PTPRD: variants seen among roughly 807,000 people sequenced by gnomAD.
PTPRD encodes protein tyrosine phosphatase receptor type D.
A neutral mutation model predicts 214.5 loss-of-function variants in PTPRD; 34 were observed. That is an observed-to-expected ratio of 0.16 (90% CI 0.12 to 0.21). The LOEUF (loss-of-function observed/expected upper bound fraction) is 0.21. Among genes scored for constraint, PTPRD ranks in the 10% least tolerant of loss-of-function variants. The probability of loss-of-function intolerance (pLI) is 1.00; values close to 1 mark genes in which losing one functional copy is unlikely to be tolerated. For missense variants in PTPRD, 2,545 were observed against 2,398.7 expected (o/e 1.06, Z -1.27); for synonymous variants, 1,128 against 845.7 (o/e 1.33, Z -5.79).
intron 3 of PTPRD, among the ~76,000 whole-genome samples, chr9:10,317,670 T>A (rs1444659774): frequency 1.3e-5 from 2 of 152,046 alleles, no homozygotes; most frequent in African/African-American, 4.8e-5. Flanking sequence ...TCTTAATTTT[T>A]AAATGTTGCA....
chr9:9,601,801 T>C (rs1218066410), intron 7 of PTPRD, among the ~76,000 whole-genome samples: 1 of 152,020 alleles, frequency 6.6e-6, no homozygotes, highest in Non-Finnish European at 1.5e-5. Flanking sequence ...AAACACTAAA[T>C]ATAATACAAA....
intron 4 of PTPRD, among the ~76,000 whole-genome samples, chr9:9,952,934 C>G (rs1429043068): frequency 1.3e-5 from 2 of 152,020 alleles, no homozygotes; most frequent in South Asian, 2.1e-4. Context: ...ATATAATTGG[C>G]AAGTAGAAGA....
chr9:8,808,717 T>C (rs2154521814), intron 11 of PTPRD, among the ~76,000 whole-genome samples: 1 of 152,162 alleles, frequency 6.6e-6, no homozygotes, highest in South Asian at 2.1e-4. Flanking sequence ...AATGTATATA[T>C]GTTCTACACC....
At chr9:8,930,199 G>A (rs1441087998) in intron 11 of PTPRD, among the ~76,000 whole-genome samples, 6 of 151,370 alleles carry the variant, frequency 4.0e-5, no homozygotes, top group Admixed American at 4.0e-4. Context: ...CTATGAGTGA[G>A]AACATGTGGT....
At chr9:9,254,579 T>C (rs1220649827) in intron 9 of PTPRD, among the ~76,000 whole-genome samples, 1 of 152,078 alleles carries the variant, frequency 6.6e-6, no homozygotes, top group Non-Finnish European at 1.5e-5. Flanking sequence ...CAGTTAATAA[T>C]ATATCTTTCA....
chr9:8,668,390 C>T (rs1238187625), intron 12 of PTPRD, among the ~76,000 whole-genome samples: 2 of 152,212 alleles, frequency 1.3e-5, no homozygotes, highest in Admixed American at 1.3e-4. Context: ...ATTCTAATTA[C>T]ATGCAGATAG....
intron 2 of PTPRD, among the ~76,000 whole-genome samples, chr9:10,589,563 C>A (rs1039253458): frequency 6.6e-6 from 1 of 152,030 alleles, no homozygotes; most frequent in Non-Finnish European, 1.5e-5. Flanking sequence ...GAGAGACAGA[C>A]AGAGGCATTC....
chr9:9,525,060 T>C (rs1200086709), intron 8 of PTPRD, among the ~76,000 whole-genome samples: 6 of 152,214 alleles, frequency 3.9e-5, no homozygotes, highest in African/African-American at 7.2e-5. Context: ...CGTTTCACCA[T>C]GTTAGCCAGG....
intron 2 of PTPRD, among the ~76,000 whole-genome samples, chr9:10,343,980 T>G (rs982095080): frequency 4.0e-5 from 5 of 123,906 alleles, no homozygotes; most frequent in Non-Finnish European, 6.6e-5. Flanking sequence ...TGATGGTAGT[T>G]TTTTTTTTTT....
chr9:9,843,141 T>C (rs2058727756), intron 5 of PTPRD, among the ~76,000 whole-genome samples: 2 of 152,208 alleles, frequency 1.3e-5, no homozygotes, highest in Middle Eastern at 3.4e-3. Context: ...AGAAACCTTA[T>C]GGCTTCTAGA....
intron 9 of PTPRD, among the ~76,000 whole-genome samples, chr9:9,375,317 G>T (rs2060495533): frequency 6.6e-6 from 1 of 152,110 alleles, no homozygotes; most frequent in Non-Finnish European, 1.5e-5. Flanking sequence ...GAATGAAAAT[G>T]GCTGGGCGCA....
At chr9:8,698,352 TTAGTGA>T (rs1183818239) in intron 12 of PTPRD, among the ~76,000 whole-genome samples, 3 of 152,208 alleles carry the variant, frequency 2.0e-5, no homozygotes, top group Non-Finnish European at 4.4e-5. Context: ...AAGACGACAG[TTAGTGA>T]TAGTGTAAAA....
At chr9:8,463,250 T>G (rs779071512) in intron 32 of PTPRD, among the ~76,000 whole-genome samples, 3 of 121,214 alleles carry the variant, frequency 2.5e-5, no homozygotes, top group African/African-American at 3.2e-5. Flanking sequence ...GCAGATTTTC[T>G]AACGCATTAC....
At chr9:8,769,500 T>G (rs1180610913) in intron 11 of PTPRD, among the ~76,000 whole-genome samples, 3 of 152,218 alleles carry the variant, frequency 2.0e-5, no homozygotes. Context: ...CAAAGGCATT[T>G]GTAGTTGTGT....
At chr9:9,338,165 C>T (rs1044530437) in intron 9 of PTPRD, among the ~76,000 whole-genome samples, 2 of 152,160 alleles carry the variant, frequency 1.3e-5, no homozygotes, top group African/African-American at 4.8e-5. Flanking sequence ...TTCATCACAG[C>T]CTCTAGAGCA....
intron 5 of PTPRD, among the ~76,000 whole-genome samples, chr9:9,799,907 TAG>T (rs1453622588): frequency 6.6e-6 from 1 of 151,978 alleles, no homozygotes; most frequent in Non-Finnish European, 1.5e-5. Flanking sequence ...GAAAAAGACT[TAG>T]AAACACAGAG....
intron 11 of PTPRD, among the ~76,000 whole-genome samples, chr9:8,886,733 C>T (rs1337300172): frequency 1.3e-5 from 2 of 152,136 alleles, no homozygotes; most frequent in Non-Finnish European, 2.9e-5. Context: ...CTACATTTTG[C>T]CAAGTAAACA....
chr9:10,069,063 T>C (rs1234394535), intron 3 of PTPRD, among the ~76,000 whole-genome samples: 1 of 151,992 alleles, frequency 6.6e-6, no homozygotes, highest in East Asian at 1.9e-4. Flanking sequence ...TTCAGCCTTT[T>C]GGATCTGGCA....
At chr9:9,504,886 T>C (rs981661771) in intron 8 of PTPRD, among the ~76,000 whole-genome samples, 1 of 151,666 alleles carries the variant, frequency 6.6e-6, no homozygotes, top group Non-Finnish European at 1.5e-5. Flanking sequence ...AACAATTCTA[T>C]TCACAGTAGC....
Sources: allele counts gnomAD v4.1 joint callset (sites outside exome capture counted in the v4.1 genomes callset), GRCh38; gene constraint gnomAD v4.1.1; transcripts MANE v1.5; gene names NCBI Gene and HGNC (gene_info 2026-07-23, HGNC 2026-07-21).